KCNT2: variants seen among roughly 807,000 people sequenced by gnomAD.
KCNT2 encodes the protein potassium channel subfamily T member 2.
In KCNT2, 67 loss-of-function variants were observed where a neutral mutation model predicts 153.8. The ratio of observed to expected loss-of-function variants is 0.44; its 90% CI spans 0.36 to 0.53. The LOEUF is 0.53. Ranked by LOEUF, KCNT2 falls within the 20% of genes least tolerant of loss-of-function variation. The probability of loss-of-function intolerance (pLI) is 0.00; values close to 1 mark genes in which losing one functional copy is unlikely to be tolerated. For synonymous variants in KCNT2, 500 were observed against 458.8 expected (o/e 1.09, Z -1.15); for missense variants, 975 against 1,354.8 (o/e 0.72, Z 4.40).
At chr1:196,284,251 ATATATATATATAT>A (rs1659431850) in intron 23 of KCNT2, among the ~76,000 whole-genome samples, 5 of 48,452 alleles carry the variant, frequency 1.0e-4, no homozygotes, top group South Asian at 1.0e-3. Context: ...AAAAAAAAAT[ATATATATATATAT>A]ATATATATAT....
At chr1:196,562,731 T>A (rs911105672) in intron 1 of KCNT2, among the ~76,000 whole-genome samples, 1 of 151,718 alleles carries the variant, frequency 6.6e-6, no homozygotes, top group Non-Finnish European at 1.5e-5. Flanking sequence ...CCTGAATTGC[T>A]AATTACTCCC....
intron 3 of KCNT2, among the ~76,000 whole-genome samples, chr1:196,488,786 G>A (rs1010680388): frequency 1.3e-5 from 2 of 151,926 alleles, no homozygotes; most frequent in African/African-American, 4.8e-5. Context: ...GACCTACCAA[G>A]TCCTATGCTT....
intron 4 of KCNT2, among the ~76,000 whole-genome samples, chr1:196,479,561 T>C (rs895485870): frequency 6.6e-6 from 1 of 152,308 alleles, no homozygotes; most frequent in East Asian, 1.9e-4. Flanking sequence ...GGCTCTTTTA[T>C]GGGTGTGTTT....
chr1:196,437,380 T>TTA (rs1233254889), intron 8 of KCNT2, among the ~76,000 whole-genome samples: 31 of 140,850 alleles, frequency 2.2e-4, no homozygotes, highest in African/African-American at 5.6e-4. Flanking sequence ...ATATTTTTAT[T>TTA]TATATATATA....
chr1:196,368,193 A>G (rs1487567246), intron 14 of KCNT2, among the ~76,000 whole-genome samples: 2 of 152,144 alleles, frequency 1.3e-5, no homozygotes, highest in Non-Finnish European at 2.9e-5. Context: ...CAGAAATAAA[A>G]TTAGTGTAAA....
intron 23 of KCNT2, among the ~76,000 whole-genome samples, chr1:196,283,349 G>A (rs1659303406): frequency 6.6e-6 from 1 of 151,998 alleles, no homozygotes; most frequent in African/African-American, 2.4e-5. Flanking sequence ...GCTGAGAATG[G>A]CGTGAACCCC....
rs1553271463 is a variant in KCNT2 at position 196,284,248 on chromosome 1, AATATATATATATATATAT to A, written c.2697+1391_2697+1408del. 3.5e-3 allele frequency among the ~76,000 whole-genome samples: 35 copies of A among 10,050 alleles called. 2 individuals are homozygous for A. The highest frequency in any genetic ancestry group is 0.02 in the Admixed American group (7 of 350). 6.6% of individuals were successfully genotyped at this position (10,050 alleles called of 152,430 possible). Reference sequence around the variant, plus strand: ...TCTGTCTTAAAAAAAAAAAAAAAAAAATATATATATATATATATATATATATATATAGTTCTAGTTCAC... The same window carrying A: ...TCTGTCTTAAAAAAAAAAAAAAAAAAATATATATATATAGTTCTAGTTCAC... On this transcript the variant is annotated intron_variant, in intron 23 of 27. Coordinates refer to ENST00000294725, the MANE Select transcript of KCNT2 (RefSeq NM_198503.5).
At position 196,326,724 on chromosome 1, in the gene KCNT2, C is replaced by T; in HGVS notation, c.2269G>A (p.Asp757Asn). ...ATCTTAAAATATACTTACGGGTTAT[C>T]CAATAGCAGTACTATGGGATTAAGT... The part of the protein sequence containing the change: ...KELNPIVLLL[D>N]NPPDMHFLDA... The change falls in exon 19 of 28, where the codon GAT (aspartate) becomes AAT (asparagine). Residue 757 changes from aspartate to asparagine, a missense_variant. Coordinates refer to ENST00000294725, the MANE Select transcript of KCNT2 (RefSeq NM_198503.5). The T allele has an allele frequency of 6.6e-7, 1 of 1,510,742 alleles. No individual in the cohort carries two copies. Among genetic ancestry groups the T allele is most frequent in the Non-Finnish European group, 8.8e-7 (1 of 1,134,874 alleles). 93.6% of individuals were successfully genotyped at this position (1,510,742 alleles called of 1,614,324 possible).
chr1:196,355,863 G>A (rs1000316148), intron 14 of KCNT2, among the ~76,000 whole-genome samples: 5 of 151,696 alleles, frequency 3.3e-5, no homozygotes, highest in African/African-American at 9.7e-5. Flanking sequence ...AAATTTTATA[G>A]CTACATTGTA....
At chr1:196,235,870 A>G in intron 27 of KCNT2, 116 bp downstream of exon 27, 1 of 617,000 alleles carries the variant, frequency 1.6e-6, no homozygotes, top group Non-Finnish European at 2.9e-6. Context: ...TTAGGTATAG[A>G]CTATTTAAGC....
At chr1:196,248,381 C>G (rs985789863) in intron 26 of KCNT2, among the ~76,000 whole-genome samples, 1 of 151,528 alleles carries the variant, frequency 6.6e-6, no homozygotes, top group Non-Finnish European at 1.5e-5. Context: ...ATAAGATAAA[C>G]AAAATTGACA....
chr1:196,242,611 T>C (rs1655058654), intron 26 of KCNT2, among the ~76,000 whole-genome samples: 1 of 152,198 alleles, frequency 6.6e-6, no homozygotes, highest in African/African-American at 2.4e-5. Flanking sequence ...TATTACATGA[T>C]ATTCATTATT....
intron 8 of KCNT2, among the ~76,000 whole-genome samples, chr1:196,462,720 TAATG>T (rs1164363081): frequency 6.6e-6 from 1 of 151,822 alleles, no homozygotes; most frequent in Non-Finnish European, 1.5e-5. Context: ...TATCCTCATT[TAATG>T]ATGTGTAAAA....
chr1:196,350,143 T>C (rs1230290813), intron 14 of KCNT2, among the ~76,000 whole-genome samples: 1 of 152,188 alleles, frequency 6.6e-6, no homozygotes, highest in Non-Finnish European at 1.5e-5. Context: ...TCTTAGTTAT[T>C]GTGAATAGAG....
chr1:196,277,246 T>A (rs533147299), intron 25 of KCNT2, among the ~76,000 whole-genome samples: 6 of 152,268 alleles, frequency 3.9e-5, no homozygotes, highest in Admixed American at 3.3e-4. Context: ...TTAGAGTAAA[T>A]GACTAATAAG....
At chr1:196,598,312 C>G (rs987204421) in intron 1 of KCNT2, among the ~76,000 whole-genome samples, 14 of 152,098 alleles carry the variant, frequency 9.2e-5, no homozygotes, top group African/African-American at 3.4e-4. Context: ...GGGATACTAA[C>G]TACCTTTACC....
At chr1:196,442,956 TAC>T (rs1408744115) in intron 8 of KCNT2, among the ~76,000 whole-genome samples, 1 of 151,530 alleles carries the variant, frequency 6.6e-6, no homozygotes, top group African/African-American at 2.4e-5. Flanking sequence ...AAGCCACACA[TAC>T]ATATATAGCT....
At chr1:196,382,297 C>A (rs576714905) in intron 13 of KCNT2, among the ~76,000 whole-genome samples, 2 of 151,246 alleles carry the variant, frequency 1.3e-5, no homozygotes, top group Admixed American at 6.6e-5. Context: ...TTAGTAGAGA[C>A]GGGGTTTCAC....
chr1:196,416,672 G>A (rs1672780192), intron 12 of KCNT2, among the ~76,000 whole-genome samples: 1 of 151,954 alleles, frequency 6.6e-6, no homozygotes. Context: ...TGATTCATAA[G>A]TAAAAGTAAG....
Sources: allele counts gnomAD v4.1 joint callset (sites outside exome capture counted in the v4.1 genomes callset), GRCh38; gene constraint gnomAD v4.1.1; transcripts MANE v1.5; gene names NCBI Gene and HGNC (gene_info 2026-07-23, HGNC 2026-07-21).